The following KATNAL2 variants were observed in gnomAD, a reference collection of about 807,000 sequenced individuals.
KATNAL2 encodes katanin catalytic subunit A1 like 2, also known as katanin p60 ATPase-containing subunit A-like 2.
Under a neutral mutation model 76.3 loss-of-function variants are expected in KATNAL2, and 52 were observed. The ratio of observed to expected loss-of-function variants is 0.68; its 90% CI spans 0.55 to 0.86. The LOEUF is 0.86. KATNAL2 is among the 40% of genes least tolerant of loss of function. The probability of loss-of-function intolerance (pLI) is 0.00; values close to 1 mark genes in which losing one functional copy is unlikely to be tolerated. For synonymous variants in KATNAL2, 243 were observed against 244.2 expected (o/e 1.00, Z 0.05); for missense variants, 660 against 668.9 (o/e 0.99, Z 0.15).
chr18:46,945,357 A>T (rs938429309), intron 1 of KATNAL2, among the ~76,000 whole-genome samples: 2 of 152,258 alleles, frequency 1.3e-5, no homozygotes, highest in African/African-American at 2.4e-5. Flanking sequence ...AGAAAACGCC[A>T]TTGAGTTATC....
intron 15 of KATNAL2, chr18:47,098,254 T>C: frequency 2.5e-6 from 1 of 393,222 alleles, no homozygotes. Flanking sequence ...TCCATTTTCA[T>C]GCTGCTGGTG....
intron 3 of KATNAL2, among the ~76,000 whole-genome samples, chr18:47,040,781 T>G (rs2060936049): frequency 6.6e-6 from 1 of 152,116 alleles, no homozygotes; most frequent in Non-Finnish European, 1.5e-5. Flanking sequence ...ACAAATAAAA[T>G]TAAATTTTAA....
intron 16 of KATNAL2, 97 bp downstream of exon 16, chr18:47,099,502 C>A: frequency 8.3e-7 from 1 of 1,205,292 alleles, no homozygotes; most frequent in Non-Finnish European, 1.1e-6. Flanking sequence ...AAGCTTGAGA[C>A]ACTTAGAATA....
intron 5 of KATNAL2, among the ~76,000 whole-genome samples, chr18:47,053,291 C>G (rs1450145133): frequency 6.6e-6 from 1 of 152,138 alleles, no homozygotes; most frequent in African/African-American, 2.4e-5. Flanking sequence ...AAGCAAAACC[C>G]CAGTGTATCA....
chr18:46,923,644 C>A (rs540368628), intron 1 of KATNAL2, among the ~76,000 whole-genome samples: 1 of 152,170 alleles, frequency 6.6e-6, no homozygotes, highest in Non-Finnish European at 1.5e-5. Flanking sequence ...CCTGAGGAAT[C>A]GCCACACTGA....
chr18:46,962,296 G>T (rs1189148235), intron 3 of KATNAL2, among the ~76,000 whole-genome samples: 1 of 128,066 alleles, frequency 7.8e-6, no homozygotes, highest in Non-Finnish European at 1.6e-5. Flanking sequence ...GATCATGCCC[G>T]GCCTTTTCCC....
rs114454984 is a variant in KATNAL2, at chr18:47,073,686, C to T, written c.1009-1591C>T. 9.7e-3 allele frequency among the ~76,000 whole-genome samples: 1,478 copies of T among 152,308 alleles called. 15 individuals carry two copies. The highest frequency in any genetic ancestry group is 0.061 in the Middle Eastern group (18 of 294). On this transcript the variant is annotated intron_variant, in intron 13 of 17. Transcript: ENST00000683218. ...ATGTCTGTGCCTCTTAGGAGCTGAT[C>T]GCTACTGAATAGTTGAGTGGTCTCT...
intron 6 of KATNAL2, among the ~76,000 whole-genome samples, chr18:47,057,548 C>T (rs1256757190): frequency 6.6e-6 from 1 of 152,208 alleles, no homozygotes; most frequent in Admixed American, 6.5e-5. Flanking sequence ...TGCCCCTTCT[C>T]AGTCAAATTC....
At chr18:46,954,213 A>C (rs2059654305) in intron 3 of KATNAL2, among the ~76,000 whole-genome samples, 1 of 150,790 alleles carries the variant, frequency 6.6e-6, no homozygotes, top group South Asian at 2.1e-4. Flanking sequence ...TTTATACCTC[A>C]CTTCTGCCCT....
At chr18:47,083,100 C>T (rs1218509388) in intron 15 of KATNAL2, among the ~76,000 whole-genome samples, 1 of 152,188 alleles carries the variant, frequency 6.6e-6, no homozygotes, top group Non-Finnish European at 1.5e-5. Flanking sequence ...AAATGAATTT[C>T]CTTGCATAAA....
At chr18:47,042,438 TG>T (rs2060994605) in intron 3 of KATNAL2, among the ~76,000 whole-genome samples, 1 of 152,202 alleles carries the variant, frequency 6.6e-6, no homozygotes. Flanking sequence ...TTCTTTTGGA[TG>T]GATATGTTTA....
At chr18:47,063,433 T>C in intron 10 of KATNAL2, 72 bp downstream of exon 10, 1 of 1,121,598 alleles carries the variant, frequency 8.9e-7, no homozygotes, top group Non-Finnish European at 1.3e-6. Flanking sequence ...GGGCTGCTTC[T>C]TTTATTAATA....
At chr18:47,070,720 AAT>A (rs1215538995) in intron 13 of KATNAL2, among the ~76,000 whole-genome samples, 6 of 152,204 alleles carry the variant, frequency 3.9e-5, no homozygotes, top group African/African-American at 7.2e-5. Context: ...GTCATAATAG[AAT>A]ATGTTTAAAG....
chr18:47,063,167 G>C lies in KATNAL2; in HGVS notation c.648+97G>C, dbSNP rs985000625. ...GAGTACAGTGAAACCTTGAGATCAA[G>C]TTAAAGGCCATAGCCACCTGCCATC... On this transcript the variant is annotated intron_variant, in intron 9 of 17. Coordinates refer to ENST00000683218, the MANE Select transcript of KATNAL2 (RefSeq NM_001387690.1). 5 of 1,442,260 alleles carry C rather than the reference G, an allele frequency of 3.5e-6. No homozygotes were observed. The Admixed American group carries it at 8.5e-5, about 25-fold the overall frequency. 89.3% of individuals were successfully genotyped at this position (1,442,260 alleles called of 1,614,324 possible).
chr18:46,960,524 T>C (rs1444481853), intron 3 of KATNAL2, among the ~76,000 whole-genome samples: 1 of 152,124 alleles, frequency 6.6e-6, no homozygotes, highest in Non-Finnish European at 1.5e-5. Context: ...GGGAAGAGTT[T>C]CAGAGAGGAG....
intron 4 of KATNAL2, among the ~76,000 whole-genome samples, chr18:47,048,327 C>T (rs1298662111): frequency 6.6e-6 from 1 of 152,196 alleles, no homozygotes; most frequent in Non-Finnish European, 1.5e-5. Flanking sequence ...CAGTGACCCT[C>T]GTCCTGGAGA....
intron 15 of KATNAL2, among the ~76,000 whole-genome samples, chr18:47,093,525 T>C (rs2063097556): frequency 6.6e-6 from 1 of 151,960 alleles, no homozygotes; most frequent in African/African-American, 2.4e-5. Flanking sequence ...TGTGCATGTT[T>C]GTGTGTCTTT....
At chr18:46,928,046 C>T (rs1169784493) in intron 1 of KATNAL2, among the ~76,000 whole-genome samples, 6 of 152,110 alleles carry the variant, frequency 3.9e-5, no homozygotes, top group Non-Finnish European at 7.3e-5. Flanking sequence ...TCCTGTAGCT[C>T]GGAGTAGTTT....
intron 1 of KATNAL2, among the ~76,000 whole-genome samples, chr18:46,935,713 C>T (rs1247064252): frequency 3.9e-5 from 6 of 152,024 alleles, no homozygotes; most frequent in Non-Finnish European, 5.9e-5. Flanking sequence ...GTCAGGTGTT[C>T]GAGGCCAGCC....
Sources: allele counts gnomAD v4.1 joint callset (sites outside exome capture counted in the v4.1 genomes callset), GRCh38; gene constraint gnomAD v4.1.1; transcripts MANE v1.5; gene names NCBI Gene and HGNC (gene_info 2026-07-23, HGNC 2026-07-21).